Variants in MX1 observed in about 807,000 individuals in gnomAD.
MX1 encodes the protein interferon-induced GTP-binding protein Mx1.
In MX1, 66 loss-of-function variants were observed where a neutral mutation model predicts 66.4. The ratio of observed to expected loss-of-function variants is 0.99; its 90% CI spans 0.82 to 1.22. MX1 has a LOEUF of 1.22. Among genes scored for constraint, MX1 ranks in the 50% most tolerant of loss-of-function variants. The pLI is 0.00. For missense variants in MX1, 787 were observed against 834.3 expected, an observed-to-expected ratio of 0.94 and a Z score of 0.70; for synonymous variants, 311 against 318.1, an observed-to-expected ratio of 0.98 and a Z score of 0.24.
chr21:41,439,786 A>G lies in MX1; in HGVS notation c.529A>G (p.Ile177Val). 1.2e-6 allele frequency: 2 copies of G among 1,614,002 alleles called. No individual in the cohort carries two copies. Among genetic ancestry groups the G allele is most frequent in the South Asian group, 1.1e-5 (1 of 91,064 alleles). The change falls in exon 8 of 17, where the codon ATA becomes GTA. Residue 177 changes from isoleucine to valine, a missense_variant. Ile to Val is a conservative substitution (Grantham distance 29). Transcript: ENST00000398598. ...CCGAGATGTCCCGGATCTGACTCTA[A>G]TAGACCTTCCTGGCATAACCAGAGT... is the stretch of plus-strand genomic sequence containing the variant. ...SSRDVPDLTL[I>V]DLPGITRVAV...
chr21:41,451,697 T>A (rs1306020134), intron 15 of MX1, among the ~76,000 whole-genome samples: 1 of 151,594 alleles, frequency 6.6e-6, no homozygotes, highest in African/African-American at 2.4e-5. Context: ...TAGCTGGACG[T>A]GGTGGTGCAT....
chr21:41,443,233 A>G (rs955840467), intron 10 of MX1, among the ~76,000 whole-genome samples: 1 of 152,228 alleles, frequency 6.6e-6, no homozygotes, highest in African/African-American at 2.4e-5. Flanking sequence ...GTCCTATAAA[A>G]TGTGGGAAAC....
At chr21:41,444,860 C>T (rs991139138) in intron 11 of MX1, among the ~76,000 whole-genome samples, 2 of 152,156 alleles carry the variant, frequency 1.3e-5, no homozygotes, top group African/African-American at 2.4e-5. Context: ...GCCACTGTTA[C>T]TGGGGCTGGC....
chr21:41,447,248 C>T (rs1207941678), intron 13 of MX1, among the ~76,000 whole-genome samples: 1 of 152,160 alleles, frequency 6.6e-6, no homozygotes, highest in Non-Finnish European at 1.5e-5. Context: ...GTCCTCATCT[C>T]CTCCCACAAG....
intron 3 of MX1, chr21:41,429,689 G>A (rs1014330385): frequency 2.6e-5 from 4 of 152,004 alleles, no homozygotes; most frequent in Admixed American, 6.6e-5. Context: ...GGCAGATTAC[G>A]AGGTCAGGAA....
chr21:41,431,371 G>T (rs1451189370), intron 4 of MX1, among the ~76,000 whole-genome samples: 1 of 152,150 alleles, frequency 6.6e-6, no homozygotes, highest in Non-Finnish European at 1.5e-5. Flanking sequence ...ATCAGAAGTT[G>T]TATACTTTGC....
At chr21:41,449,501 C>A in intron 14 of MX1, 2 of 477,028 alleles carry the variant, frequency 4.2e-6, no homozygotes, top group Non-Finnish European at 7.3e-6. Context: ...GACCCCATAG[C>A]TTAAGGGCTC....
Position 41,458,564 on chromosome 21 carries a change from A to G in MX1, c.1795A>G (p.Ile599Val), listed in dbSNP as rs144523179. The change falls in exon 17 of 17, where the codon ATC (isoleucine) becomes GTC (valine). Residue 599 changes from isoleucine (I) to valine (V), a missense_variant. Coordinates refer to ENST00000398598, the MANE Select transcript of MX1 (RefSeq NM_002462.5). ...GCGCATCTCCAGCCACATCCCTTTG[A>G]TCATCCAGTTCTTCATGCTCCAGAC... is the stretch of plus-strand genomic sequence containing the variant. ...SKRISSHIPL[I>V]IQFFMLQTYG... is the part of the protein sequence containing the mutation. 1.8e-5 allele frequency: 29 copies of G among 1,610,028 alleles called. No homozygotes were observed. In the African/African-American group the frequency reaches 3.9e-4, roughly 22 times the overall value.
At chr21:41,455,792 G>A (rs1161723304) in intron 16 of MX1, among the ~76,000 whole-genome samples, 2 of 152,218 alleles carry the variant, frequency 1.3e-5, no homozygotes, top group African/African-American at 2.4e-5. Context: ...CCCTTTAAGC[G>A]AACAGTTTGT....
At chr21:41,454,426 G>C (rs555890866) in intron 16 of MX1, among the ~76,000 whole-genome samples, 1 of 151,948 alleles carries the variant, frequency 6.6e-6, no homozygotes, top group Non-Finnish European at 1.5e-5. Context: ...ACTCCAAAAG[G>C]GCCTGGCTTC....
chr21:41,434,074 A>C (rs945055430), intron 5 of MX1, among the ~76,000 whole-genome samples: 2 of 152,196 alleles, frequency 1.3e-5, no homozygotes, highest in African/African-American at 4.8e-5. Context: ...GCAACAAACA[A>C]TCTTCTAACC....
rs1327085500 is a variant in MX1, at chr21:41,459,152, T to C, written c.*394T>C. On this transcript the variant is annotated 3_prime_UTR_variant, in exon 17 of 17. Coordinates refer to ENST00000398598, the MANE Select transcript of MX1 (RefSeq NM_002462.5). ...CAGTGTTTTAGGAGCATGAGTGCCG[T>C]GTGTGTGCGTCCTGTCGGAGCCCTG... 1 of 247,092 alleles carries C rather than the reference T, an allele frequency of 4.0e-6. No homozygotes were observed. The highest frequency in any genetic ancestry group is 9.6e-5 in the East Asian group (1 of 10,404). The allele number at this position is 247,092 out of a possible 1,614,324, so 15.3% of individuals were successfully genotyped here. A position where few individuals can be genotyped will look rare whatever the true frequency, so the allele number is the denominator to read the frequency against.
At position 41,443,456 on chromosome 21, in the gene MX1, A is replaced by G. The variant is rs368887097; in HGVS notation, c.930-332A>G. 32 of 271,724 alleles carry G rather than the reference A, an allele frequency of 1.2e-4. 2 individuals are homozygous for G. In the East Asian group the frequency reaches 2.2e-3, roughly 19 times the overall value. 16.8% of individuals were successfully genotyped at this position (271,724 alleles called of 1,614,324 possible). A position where few individuals can be genotyped will look rare whatever the true frequency, so the allele number is the denominator to read the frequency against. ...TCCATTATGATCACCTACACATATT[A>G]CACATAGAAGGGGGTATGTGTTATA... is the stretch of plus-strand genomic sequence containing the variant. On this transcript the variant is annotated intron_variant, in intron 10 of 16. Coordinates refer to ENST00000398598, the MANE Select transcript of MX1 (RefSeq NM_002462.5).
chr21:41,455,471 A>T (rs1377929263), intron 16 of MX1, among the ~76,000 whole-genome samples: 3 of 152,210 alleles, frequency 2.0e-5, no homozygotes, highest in Non-Finnish European at 2.9e-5. Context: ...CATGCACAGA[A>T]TCCAAACAAT....
At chr21:41,455,562 G>T (rs1454662874) in intron 16 of MX1, among the ~76,000 whole-genome samples, 2 of 152,200 alleles carry the variant, frequency 1.3e-5, no homozygotes, top group Admixed American at 6.5e-5. Flanking sequence ...GTTCATTTCT[G>T]TCCTCCGAGG....
rs577495456 is a variant in MX1, at chr21:41,430,295, T to C, written c.-97-238T>C. Among the ~76,000 whole-genome samples the C allele has an allele frequency of 2.6e-5, 4 of 152,252 alleles. No individual in the cohort carries two copies. The East Asian group carries it at 7.7e-4, about 29-fold the overall frequency. On this transcript the variant is annotated intron_variant, in intron 3 of 16. Coordinates refer to ENST00000398598, the MANE Select transcript of MX1 (RefSeq NM_002462.5). ...CGAGGGGAAGCAAGGAGAGCATCCT[T>C]ACATATTATTGATCCAGGCAGCAGA... is the stretch of plus-strand genomic sequence containing the variant.
At chr21:41,422,260 C>G (rs2090001449), upstream of MX1, among the ~76,000 whole-genome samples, 1 of 152,212 alleles carries the variant, frequency 6.6e-6, no homozygotes, top group South Asian at 2.1e-4. Flanking sequence ...TTTTACACTC[C>G]CACCAGCGCA....
rs774847842 is a variant in MX1 at position 41,435,929 on chromosome 21, G to C, written c.198G>C (p.Gln66His). Reference protein sequence around the residue: ...IDSLRALGVEQDLALPAIAVI... With the variant: ...IDSLRALGVEHDLALPAIAVI... ...CCCTGCGGGCTCTAGGTGTGGAGCA[G>C]GACCTGGCCCTGCCAGCCATCGCCG... Residue 66 changes from glutamine (Q) to histidine (H), a missense_variant, in exon 6 of 17, where the codon CAG becomes CAC. Gln to His is a conservative substitution (Grantham distance 24, BLOSUM62 0). Transcript: ENST00000398598. 1.9e-6 allele frequency: 3 copies of C among 1,614,226 alleles called. No individual in the cohort carries two copies. Among genetic ancestry groups the C allele is most frequent in the South Asian group, 2.2e-5 (2 of 91,086 alleles).
At chr21:41,443,767 C>T (rs1036741855) in intron 10 of MX1, 21 bp from the exon 11 acceptor site, 25 of 1,612,690 alleles carry the variant, frequency 1.6e-5, no homozygotes, top group African/African-American at 2.7e-5. Context: ...AGGTGGAAAT[C>T]GGTCCTGTGT....
Sources: allele counts gnomAD v4.1 joint callset (sites outside exome capture counted in the v4.1 genomes callset), GRCh38; gene constraint gnomAD v4.1.1; transcripts MANE v1.5; gene names NCBI Gene and HGNC (gene_info 2026-07-23, HGNC 2026-07-21).